DEPDC1B: variants seen among roughly 807,000 people sequenced by gnomAD.
DEPDC1B encodes the protein DEP domain containing 1B, also known as DEP domain-containing protein 1B.
Under a neutral mutation model 66.5 loss-of-function variants are expected in DEPDC1B, and 51 were observed. That is an observed-to-expected ratio of 0.77 (90% CI 0.61 to 0.97). The LOEUF (loss-of-function observed/expected upper bound fraction) is 0.97. Ranked by LOEUF, DEPDC1B falls within the 50% of genes least tolerant of loss-of-function variation. DEPDC1B has a pLI of 0.00. For missense variants in DEPDC1B, 552 were observed against 637.1 expected (o/e 0.87, Z 1.44); for synonymous variants, 226 against 223.6 (o/e 1.01, Z -0.10).
At chr5:60,608,913 A>T (rs1752363947) in intron 7 of DEPDC1B, among the ~76,000 whole-genome samples, 2 of 152,270 alleles carry the variant, frequency 1.3e-5, no homozygotes, top group Non-Finnish European at 1.5e-5. Context: ...GCTTAAGACC[A>T]GCCTGGACAA....
chr5:60,650,833 AAT>A (rs1429394212), intron 2 of DEPDC1B, among the ~76,000 whole-genome samples: 2 of 152,208 alleles, frequency 1.3e-5, no homozygotes, highest in African/African-American at 4.8e-5. Flanking sequence ...CAAGAGGCAG[AAT>A]GTCTTTCTCT....
intron 1 of DEPDC1B, among the ~76,000 whole-genome samples, chr5:60,697,590 T>C (rs1362825976): frequency 6.6e-6 from 1 of 152,018 alleles, no homozygotes; most frequent in Non-Finnish European, 1.5e-5. Context: ...GACTTTACAA[T>C]GGAAAGAAGC....
At chr5:60,648,376 C>T (rs1005537179) in intron 2 of DEPDC1B, among the ~76,000 whole-genome samples, 5 of 152,180 alleles carry the variant, frequency 3.3e-5, no homozygotes, top group African/African-American at 7.2e-5. Flanking sequence ...TGTGTCCTGA[C>T]GCTTCTCTAA....
chr5:60,668,067 A>G (rs1333070191), intron 2 of DEPDC1B, among the ~76,000 whole-genome samples: 4 of 106,252 alleles, frequency 3.8e-5, no homozygotes, highest in Non-Finnish European at 7.1e-5. Flanking sequence ...TATTTTATAT[A>G]TATATAAAAT....
intron 2 of DEPDC1B, among the ~76,000 whole-genome samples, chr5:60,661,792 C>T (rs1247856551): frequency 6.6e-6 from 1 of 152,124 alleles, no homozygotes; most frequent in African/African-American, 2.4e-5. Context: ...AGAACAATTC[C>T]CCACCAGCCA....
In DEPDC1B at chr5:60,643,656, T is replaced by C. The variant is rs966876475; in HGVS notation, c.710-797A>G. Among the ~76,000 whole-genome samples, 4 of 152,342 alleles carry C rather than the reference T, an allele frequency of 2.6e-5. No individual in the cohort carries two copies. The East Asian group carries it at 7.7e-4, about 29-fold the overall frequency. On this transcript the variant is annotated intron_variant, in intron 5 of 10. Coordinates refer to ENST00000265036, the MANE Select transcript of DEPDC1B (RefSeq NM_018369.3). ...GATGATTGATCATCTAACTGATAACTAAAAATATTAATTTGCTACACTCAG... is the reference window on the plus strand; with the variant it reads ...GATGATTGATCATCTAACTGATAACCAAAAATATTAATTTGCTACACTCAG...
intron 7 of DEPDC1B, among the ~76,000 whole-genome samples, chr5:60,631,342 G>A (rs180865673): frequency 1.4e-4 from 22 of 152,346 alleles, no homozygotes; most frequent in African/African-American, 2.6e-4. Flanking sequence ...CTGTAACGAC[G>A]AAGACTCATC....
intron 1 of DEPDC1B, chr5:60,687,771 C>A: frequency 5.1e-6 from 1 of 197,574 alleles, no homozygotes; most frequent in Non-Finnish European, 1.1e-5. Flanking sequence ...AGTGATCCAG[C>A]CGCCTCAGCC....
At chr5:60,618,888 A>C (rs1415648009) in intron 7 of DEPDC1B, among the ~76,000 whole-genome samples, 2 of 152,236 alleles carry the variant, frequency 1.3e-5, no homozygotes, top group Non-Finnish European at 1.5e-5. Context: ...ACAAATCCTC[A>C]ATAAAGTACT....
rs1477863123 is a variant in DEPDC1B, at chr5:60,599,085, T to C, written c.1418A>G (p.Lys473Arg). 1.3e-6 allele frequency: 2 copies of C among 1,588,816 alleles called. No homozygotes were observed. Among genetic ancestry groups the C allele is most frequent in the Admixed American group, 3.7e-5 (2 of 53,862 alleles). ...AGAATATCCTTTTACCTGCTTCAGTTTCTTCTTTTTCTCTTTGTTGGAGAG... is the reference window on the plus strand; with the variant it reads ...AGAATATCCTTTTACCTGCTTCAGTCTCTTCTTTTTCTCTTTGTTGGAGAG... ...AKLSNKEKKK[K>R]LKQFQKSYPE... The change falls in exon 10 of 11, where the codon AAA (lysine) becomes AGA (arginine). Residue 473 changes from lysine (K) to arginine (R), a missense_variant. Lys to Arg is a conservative substitution (Grantham distance 26). Coordinates refer to ENST00000265036, the MANE Select transcript of DEPDC1B (RefSeq NM_018369.3).
At chr5:60,622,559 A>G (rs537874672) in intron 7 of DEPDC1B, among the ~76,000 whole-genome samples, 1 of 152,338 alleles carries the variant, frequency 6.6e-6, no homozygotes, top group South Asian at 2.1e-4. Context: ...TTAGATAAAT[A>G]CCTAGGAATG....
intron 2 of DEPDC1B, among the ~76,000 whole-genome samples, chr5:60,667,243 A>C (rs1753862670): frequency 6.6e-6 from 1 of 152,130 alleles, no homozygotes; most frequent in Non-Finnish European, 1.5e-5. Flanking sequence ...TGATAGATTC[A>C]ACTACATTAA....
chr5:60,614,296 T>A (rs1423108668), intron 7 of DEPDC1B, among the ~76,000 whole-genome samples: 1 of 152,204 alleles, frequency 6.6e-6, no homozygotes, highest in African/African-American at 2.4e-5. Flanking sequence ...TTCTGTGAGT[T>A]TTGGGGTGTT....
chr5:60,665,299 A>G (rs1753812776), intron 2 of DEPDC1B, among the ~76,000 whole-genome samples: 1 of 152,218 alleles, frequency 6.6e-6, no homozygotes, highest in African/African-American at 2.4e-5. Context: ...ATATGGCCAA[A>G]TCATTATTTA....
intron 6 of DEPDC1B, among the ~76,000 whole-genome samples, 189 bp downstream of exon 6, chr5:60,642,623 A>G (rs1753214927): frequency 6.6e-6 from 1 of 152,204 alleles, no homozygotes; most frequent in South Asian, 2.1e-4. Flanking sequence ...ATCCCTTTAA[A>G]ACTGTTCTAG....
chr5:60,648,997 T>C (rs1753381736), intron 2 of DEPDC1B, among the ~76,000 whole-genome samples: 1 of 152,184 alleles, frequency 6.6e-6, no homozygotes. Context: ...TTGAATGTAA[T>C]TGCCGGAGTT....
intron 7 of DEPDC1B, among the ~76,000 whole-genome samples, chr5:60,622,816 T>G (rs1041609583): frequency 2.6e-5 from 4 of 152,208 alleles, no homozygotes; most frequent in Non-Finnish European, 1.5e-5. Context: ...TGCTTATGAG[T>G]ATTTCATATA....
chr5:60,618,680 C>T (rs559361228), intron 7 of DEPDC1B, among the ~76,000 whole-genome samples: 16 of 152,136 alleles, frequency 1.1e-4, no homozygotes, highest in East Asian at 3.9e-4. Flanking sequence ...CAGGACCAGA[C>T]GGATTCACAG....
intron 2 of DEPDC1B, among the ~76,000 whole-genome samples, chr5:60,658,553 G>A (rs1441066454): frequency 6.9e-6 from 1 of 145,240 alleles, no homozygotes; most frequent in African/African-American, 2.5e-5. Context: ...GCCTAGCTGA[G>A]AAAGGTGACT....
Sources: allele counts gnomAD v4.1 joint callset (sites outside exome capture counted in the v4.1 genomes callset), GRCh38; gene constraint gnomAD v4.1.1; transcripts MANE v1.5; gene names NCBI Gene and HGNC (gene_info 2026-07-23, HGNC 2026-07-21).